Variants in CAMK1D observed in about 807,000 individuals in gnomAD.
The protein encoded by CAMK1D is calcium/calmodulin-dependent protein kinase type 1D.
Under a neutral mutation model 47.7 loss-of-function variants are expected in CAMK1D, and 9 were observed. The observed-to-expected ratio is 0.19, with a 90% CI of 0.11 to 0.33. The LOEUF (loss-of-function observed/expected upper bound fraction) is 0.33, where lower values mean the gene tolerates loss of function less well. Among genes scored for constraint, CAMK1D ranks in the 10% least tolerant of loss-of-function variants. The probability of loss-of-function intolerance (pLI) is 1.00; values close to 1 mark genes in which losing one functional copy is unlikely to be tolerated. For missense variants in CAMK1D, 291 were observed against 488.7 expected, an observed-to-expected ratio of 0.60 and a Z score of 3.81; for synonymous variants, 184 against 184.9, an observed-to-expected ratio of 0.99 and a Z score of 0.04.
intron 5 of CAMK1D, among the ~76,000 whole-genome samples, chr10:12,771,735 T>A (rs1326504066): frequency 6.6e-6 from 1 of 152,132 alleles, no homozygotes; most frequent in East Asian, 1.9e-4. Context: ...TGCTCATTTT[T>A]GAAAGGTCCA....
intron 1 of CAMK1D, among the ~76,000 whole-genome samples, chr10:12,522,712 G>A (rs933982208): frequency 1.8e-4 from 28 of 151,814 alleles, no homozygotes; most frequent in Non-Finnish European, 1.5e-5. Context: ...GAGCTGTTGG[G>A]TACACCTCCC....
intron 1 of CAMK1D, among the ~76,000 whole-genome samples, chr10:12,444,840 C>A (rs1832883039): frequency 6.6e-6 from 1 of 152,000 alleles, no homozygotes; most frequent in Non-Finnish European, 1.5e-5. Flanking sequence ...GCAGATGAAG[C>A]CTCCAGGTAA....
At chr10:12,714,494 G>A (rs1242500391) in intron 3 of CAMK1D, among the ~76,000 whole-genome samples, 2 of 152,134 alleles carry the variant, frequency 1.3e-5, no homozygotes, top group Non-Finnish European at 2.9e-5. Flanking sequence ...GCCAAGGCAG[G>A]CGGATCACGA....
At chr10:12,809,978 T>C (rs1211434015) in intron 6 of CAMK1D, among the ~76,000 whole-genome samples, 1 of 151,496 alleles carries the variant, frequency 6.6e-6, no homozygotes, top group Non-Finnish European at 1.5e-5. Context: ...CAAAACCCTG[T>C]CTCTACAAAA....
chr10:12,452,748 G>C (rs542988448), intron 1 of CAMK1D, among the ~76,000 whole-genome samples: 2 of 151,924 alleles, frequency 1.3e-5, no homozygotes, highest in South Asian at 4.2e-4. Flanking sequence ...ACTATGCCTG[G>C]CTAATTTTTT....
At chr10:12,406,722 CAA>C (rs3061400) in intron 1 of CAMK1D, among the ~76,000 whole-genome samples, 149 of 69,196 alleles carry the variant, frequency 2.2e-3, no homozygotes, top group African/African-American at 9.3e-3. Context: ...GACCCTGTCT[CAA>C]AAAAAAAAAA....
chr10:12,439,289 A>G (rs1832717664), intron 1 of CAMK1D, among the ~76,000 whole-genome samples: 1 of 152,134 alleles, frequency 6.6e-6, no homozygotes, highest in Non-Finnish European at 1.5e-5. Flanking sequence ...GTTGTTTGTT[A>G]TGGTTTAATA....
At chr10:12,369,684 C>T (rs369285681) in intron 1 of CAMK1D, among the ~76,000 whole-genome samples, 5 of 152,146 alleles carry the variant, frequency 3.3e-5, no homozygotes, top group East Asian at 1.9e-4. Context: ...GTTGGCCAGG[C>T]GTGGCGGCTC....
rs71386103 is a variant in CAMK1D at position 12,602,895 on chromosome 10, GTTATTA to G, written c.224+49563_224+49568del. On this transcript the variant is annotated intron_variant, in intron 2 of 10. Transcript: ENST00000619168. ...GCATCACATGTCTTTCTAACTGCTTGTTATTATTATTATTATTATTATTATTATTTT... is the reference window on the plus strand; with the variant it reads ...GCATCACATGTCTTTCTAACTGCTTGTTATTATTATTATTATTATTATTTT... Among the ~76,000 whole-genome samples the G allele has an allele frequency of 6.0e-5, 8 of 134,408 alleles. No individual in the cohort carries two copies. In the South Asian group the frequency reaches 7.4e-4, roughly 12 times the overall value. The allele number at this position is 134,408 out of a possible 152,430, so 88.2% of individuals were successfully genotyped here. A position where few individuals can be genotyped will look rare whatever the true frequency, so the allele number is the denominator to read the frequency against.
chr10:12,621,404 A>G (rs559533749), intron 2 of CAMK1D, among the ~76,000 whole-genome samples: 1 of 152,338 alleles, frequency 6.6e-6, no homozygotes, highest in African/African-American at 2.4e-5. Context: ...CCATGAATAT[A>G]GTATGTCTCT....
At chr10:12,779,923 A>T (rs920764504) in intron 5 of CAMK1D, among the ~76,000 whole-genome samples, 2 of 152,208 alleles carry the variant, frequency 1.3e-5, no homozygotes, top group African/African-American at 4.8e-5. Context: ...GCTGACTGTT[A>T]TGTTCCTGAG....
rs191781166 is a variant in CAMK1D at position 12,622,995 on chromosome 10, G to A, written c.225-43741G>A. 2.0e-3 allele frequency among the ~76,000 whole-genome samples: 291 copies of A among 148,802 alleles called. 2 individuals are homozygous for A. Among genetic ancestry groups the A allele is most frequent in the Non-Finnish European group, 3.7e-3 (250 of 66,920 alleles). On this transcript the variant is annotated intron_variant, in intron 2 of 10. Coordinates refer to ENST00000619168, the MANE Select transcript of CAMK1D (RefSeq NM_153498.4). Reference sequence around the variant, plus strand: ...GTCACTGCCTTCCCTCCCTCCAATCGTCCGTCCCGTCATCTCATCTCTCCC... The same window carrying A: ...GTCACTGCCTTCCCTCCCTCCAATCATCCGTCCCGTCATCTCATCTCTCCC...
rs549324748 is a variant in CAMK1D, at chr10:12,367,179, A to T, written c.92+17269A>T. ...GCTGACTCTCCCTGCTTAGAGTAAGACACAGGAAGCCAGCTTCTTAGTTGC... is the reference window on the plus strand; with the variant it reads ...GCTGACTCTCCCTGCTTAGAGTAAGTCACAGGAAGCCAGCTTCTTAGTTGC... On this transcript the variant is annotated intron_variant, in intron 1 of 10. Transcript: ENST00000619168. Among the ~76,000 whole-genome samples, 28 of 152,270 alleles carry T rather than the reference A, an allele frequency of 1.8e-4. 1 individual carries two copies. The highest frequency in any genetic ancestry group is 6.8e-3 in the Middle Eastern group (2 of 294).
Position 12,828,911 on chromosome 10 carries a change from G to A in CAMK1D, c.*24G>A, listed in dbSNP as rs567010186. ...GACTGGCCCTGGAGGTGGGGCCCGG[G>A]GTCGGGGCTGGGGAAGGGGAGCCCC... On this transcript the variant is annotated 3_prime_UTR_variant, in exon 11 of 11. Transcript: ENST00000619168. 48 of 1,548,008 alleles carry A rather than the reference G, an allele frequency of 3.1e-5. No individual in the cohort carries two copies. In the South Asian group the frequency reaches 5.3e-4, roughly 17 times the overall value.
intron 5 of CAMK1D, 47 bp from the exon 6 acceptor site, chr10:12,791,111 G>A (rs372786259): frequency 3.0e-5 from 48 of 1,579,106 alleles, no homozygotes; most frequent in East Asian, 4.5e-5. Flanking sequence ...TCTTCAGTCC[G>A]AGGCATGTAA....
chr10:12,589,457 C>T (rs1272591931), intron 2 of CAMK1D, among the ~76,000 whole-genome samples: 13 of 152,248 alleles, frequency 8.5e-5, no homozygotes, highest in Admixed American at 8.5e-4. Flanking sequence ...CTGAGCTTCA[C>T]TGACCGTGCT....
At chr10:12,777,487 C>G (rs1156648601) in intron 5 of CAMK1D, among the ~76,000 whole-genome samples, 1 of 151,444 alleles carries the variant, frequency 6.6e-6, no homozygotes, top group Non-Finnish European at 1.5e-5. Context: ...ATTGTCCTGC[C>G]TCAGCCTCCC....
At chr10:12,700,880 G>A (rs139631738) in intron 3 of CAMK1D, among the ~76,000 whole-genome samples, 64 of 152,232 alleles carry the variant, frequency 4.2e-4, no homozygotes, top group African/African-American at 1.4e-3. Context: ...AATACAGATC[G>A]GTGAATAATG....
chr10:12,675,312 A>G (rs147197209), intron 3 of CAMK1D, among the ~76,000 whole-genome samples: 3,636 of 152,304 alleles, frequency 0.024, 68 homozygotes, highest in Non-Finnish European at 0.039. Flanking sequence ...AAGCTTGTAT[A>G]TCCAACTGTC....
Sources: gnomAD v4.1 joint callset for allele counts (sites outside exome capture counted in the v4.1 genomes callset) on GRCh38, gnomAD v4.1.1 for gene constraint, MANE v1.5 for transcripts, NCBI Gene and HGNC (gene_info 2026-07-23, HGNC 2026-07-21) for gene names.